Variants in C3orf70 observed in about 807,000 individuals in gnomAD.
The protein encoded by C3orf70 is chromosome 3 open reading frame 70, also known as UPF0524 protein C3orf70.
A neutral mutation model predicts 20.7 loss-of-function variants in C3orf70; 15 were observed. The observed-to-expected ratio is 0.72, with a 90% CI of 0.48 to 1.11. The LOEUF (loss-of-function observed/expected upper bound fraction) is 1.11, where lower values mean the gene tolerates loss of function less well. Among genes scored for constraint, C3orf70 ranks in the 50% most tolerant of loss-of-function variants. C3orf70 has a pLI of 0.00. For missense variants in C3orf70, 332 were observed against 317.6 expected (o/e 1.05, Z -0.34); for synonymous variants, 161 against 125.7 (o/e 1.28, Z -1.88).
At chr3:185,105,183 G>C (rs963304251) in intron 1 of C3orf70, among the ~76,000 whole-genome samples, 41 of 152,318 alleles carry the variant, frequency 2.7e-4, no homozygotes, top group Admixed American at 2.2e-3. Flanking sequence ...TAGATGTTAG[G>C]ACAACTGGAT....
chr3:185,129,763 TC>T (rs950155940), intron 1 of C3orf70, among the ~76,000 whole-genome samples: 6 of 152,220 alleles, frequency 3.9e-5, no homozygotes, highest in African/African-American at 1.4e-4. Flanking sequence ...GTTAAACTTG[TC>T]CCATTACCAA....
rs891240745 is a variant in C3orf70 at position 185,121,157 on chromosome 3, C to G, written c.196+31471G>C. On this transcript the variant is annotated intron_variant, in intron 1 of 1. Coordinates refer to ENST00000335012, the MANE Select transcript of C3orf70 (RefSeq NM_001025266.3). ...GAAAACCAAACATCATACGTTCTCA[C>G]TCATAAATGGAGCTAAGCTATGAGG... 2.0e-5 allele frequency among the ~76,000 whole-genome samples: 3 copies of G among 152,054 alleles called. No individual in the cohort carries two copies. In the South Asian group the frequency reaches 6.2e-4, roughly 31 times the overall value.
At chr3:185,084,896 T>C (rs1359414747) in intron 1 of C3orf70, among the ~76,000 whole-genome samples, 1 of 152,210 alleles carries the variant, frequency 6.6e-6, no homozygotes, top group Non-Finnish European at 1.5e-5. Flanking sequence ...TTTGAATTTT[T>C]CCTAATTTAG....
intron 1 of C3orf70, among the ~76,000 whole-genome samples, chr3:185,089,830 T>A (rs543705632): frequency 6.9e-6 from 1 of 145,176 alleles, no homozygotes; most frequent in East Asian, 1.9e-4. Flanking sequence ...TACTGTCAGT[T>A]GTTTTTCAAA....
chr3:185,123,258 C>T (rs1478412674), intron 1 of C3orf70, among the ~76,000 whole-genome samples: 1 of 138,120 alleles, frequency 7.2e-6, no homozygotes, highest in Non-Finnish European at 1.6e-5. Flanking sequence ...CATAAAAATG[C>T]TGAAACTTAA....
intron 1 of C3orf70, among the ~76,000 whole-genome samples, chr3:185,113,753 C>T (rs934158909): frequency 3.3e-5 from 5 of 152,022 alleles, no homozygotes; most frequent in African/African-American, 1.2e-4. Context: ...TTCTTAAGTG[C>T]CAGAGACAGA....
At chr3:185,121,941 T>C (rs1716306204) in intron 1 of C3orf70, among the ~76,000 whole-genome samples, 1 of 151,574 alleles carries the variant, frequency 6.6e-6, no homozygotes, top group Admixed American at 6.6e-5. Flanking sequence ...CTACTAAAAA[T>C]ACAAAAAATT....
At chr3:185,140,660 A>T (rs532969452) in intron 1 of C3orf70, among the ~76,000 whole-genome samples, 2 of 151,976 alleles carry the variant, frequency 1.3e-5, no homozygotes, top group Non-Finnish European at 2.9e-5. Context: ...CTTATAAAAA[A>T]GACGCCAGGG....
Position 185,083,424 on chromosome 3 carries a change from G to A in C3orf70, c.336C>T (p.Phe112=). 6.2e-7 allele frequency: 1 copy of A among 1,614,124 alleles called. No individual in the cohort carries two copies. Among genetic ancestry groups the A allele is most frequent in the Non-Finnish European group, 8.5e-7 (1 of 1,180,038 alleles). The change falls in exon 2 of 2, where the codon TTC becomes TTT. Residue 112 remains phenylalanine, a synonymous_variant. Transcript: ENST00000335012. Reference sequence around the variant, plus strand: ...GTGAGTCAGGGGGAAGGGGAGGCTGGAAGACAGATGCAAATTTCAAAAAGT... The same window carrying A: ...GTGAGTCAGGGGGAAGGGGAGGCTGAAAGACAGATGCAAATTTCAAAAAGT... The part of the protein sequence containing the change: ...TEHFLKFASV[F]QPPLPPDSPR...
At chr3:185,104,888 T>A (rs1715893698) in intron 1 of C3orf70, among the ~76,000 whole-genome samples, 1 of 152,122 alleles carries the variant, frequency 6.6e-6, no homozygotes, top group Non-Finnish European at 1.5e-5. Flanking sequence ...ACCTGGGTGA[T>A]GAAATAATTG....
In C3orf70 at chr3:185,132,791, G is replaced by A. The variant is rs374497668; in HGVS notation, c.196+19837C>T. ...AAGAAGCTAAATTAATTCTAAACAG[G>A]ATACATCAAAAGAATTCCAATACAG... is the stretch of plus-strand genomic sequence containing the variant. On this transcript the variant is annotated intron_variant, in intron 1 of 1. Coordinates refer to ENST00000335012, the MANE Select transcript of C3orf70 (RefSeq NM_001025266.3). Among the ~76,000 whole-genome samples the A allele has an allele frequency of 8.5e-5, 13 of 152,168 alleles. 1 individual carries two copies. In the South Asian group the frequency reaches 2.7e-3, roughly 32 times the overall value.
intron 1 of C3orf70, among the ~76,000 whole-genome samples, chr3:185,089,347 T>C (rs936115102): frequency 1.1e-4 from 17 of 152,224 alleles, no homozygotes; most frequent in Non-Finnish European, 1.5e-4. Context: ...TTGTTACTTA[T>C]ATTGTTCCAG....
At chr3:185,098,922 G>A (rs979562651) in intron 1 of C3orf70, among the ~76,000 whole-genome samples, 12 of 152,244 alleles carry the variant, frequency 7.9e-5, no homozygotes, top group East Asian at 5.8e-4. Context: ...CAGGGTCTCC[G>A]GCCTGTCTGC....
chr3:185,107,267 C>A (rs952535704), intron 1 of C3orf70, among the ~76,000 whole-genome samples: 2 of 152,106 alleles, frequency 1.3e-5, no homozygotes, highest in African/African-American at 2.4e-5. Flanking sequence ...GTGAAGGGCC[C>A]GATGGACAAC....
intron 1 of C3orf70, among the ~76,000 whole-genome samples, chr3:185,129,421 G>T (rs1162166336): frequency 6.6e-6 from 1 of 151,994 alleles, no homozygotes. Context: ...CTTTTTTATG[G>T]CTGCACACAA....
intron 1 of C3orf70, among the ~76,000 whole-genome samples, chr3:185,084,165 A>G (rs1715412156): frequency 6.6e-6 from 1 of 151,930 alleles, no homozygotes; most frequent in Non-Finnish European, 1.5e-5. Flanking sequence ...CCTGGGCGAC[A>G]GAGTGAGACC....
chr3:185,152,331 G>A (rs1020172762), intron 1 of C3orf70, among the ~76,000 whole-genome samples: 2 of 151,976 alleles, frequency 1.3e-5, no homozygotes, highest in African/African-American at 4.8e-5. Context: ...AAAAAGAAAA[G>A]AAAAAAAACC....
rs961052547 is a variant in C3orf70 at position 185,077,102 on chromosome 3, A to G, written c.*5905T>C. Reference sequence around the variant, plus strand: ...GCAATGGCCTCATCAGAGCATAGAGATATTTGCAGAGACATGGTATAGGGT... The same window carrying G: ...GCAATGGCCTCATCAGAGCATAGAGGTATTTGCAGAGACATGGTATAGGGT... On this transcript the variant is annotated 3_prime_UTR_variant, in exon 2 of 2. Transcript: ENST00000335012. Among the ~76,000 whole-genome samples the G allele has an allele frequency of 5.3e-5, 8 of 151,904 alleles. No homozygotes were observed. Among genetic ancestry groups the G allele is most frequent in the Admixed American group, 5.2e-4 (8 of 15,262 alleles).
intron 1 of C3orf70, among the ~76,000 whole-genome samples, chr3:185,134,116 C>CATATATATACATAT (rs1716575409): frequency 7.4e-6 from 1 of 134,674 alleles, no homozygotes; most frequent in African/African-American, 2.7e-5. Flanking sequence ...AAAAATACAT[C>CATATATATACATAT]ATATATATAT....
Sources: gnomAD v4.1 joint callset for allele counts (sites outside exome capture counted in the v4.1 genomes callset) on GRCh38, gnomAD v4.1.1 for gene constraint, MANE v1.5 for transcripts, NCBI Gene and HGNC (gene_info 2026-07-23, HGNC 2026-07-21) for gene names.